ALK: variants seen among roughly 807,000 people sequenced by gnomAD.
ALK encodes ALK receptor tyrosine kinase.
ALK carries 74 observed loss-of-function variants against 163.1 expected under a neutral mutation model. The observed-to-expected ratio is 0.45, with a 90% CI of 0.38 to 0.55. ALK has a LOEUF of 0.55. Ranked by LOEUF, ALK falls within the 20% of genes least tolerant of loss-of-function variation. The probability of loss-of-function intolerance (pLI) is 0.00; values close to 1 mark genes in which losing one functional copy is unlikely to be tolerated. For synonymous variants in ALK, 960 were observed against 843.2 expected, an observed-to-expected ratio of 1.14 and a Z score of -2.40; for missense variants, 2,063 against 2,105.3, an observed-to-expected ratio of 0.98 and a Z score of 0.39.
At chr2:29,833,166 G>A (rs1187189626) in intron 1 of ALK, among the ~76,000 whole-genome samples, 1 of 152,186 alleles carries the variant, frequency 6.6e-6, no homozygotes, top group African/African-American at 2.4e-5. Flanking sequence ...TGAGCATCAG[G>A]CCCTTCTTCT....
In ALK at chr2:29,197,615, T is replaced by C. The variant is rs1307066116; in HGVS notation, c.4000A>G (p.Ser1334Gly). 1.2e-6 allele frequency: 2 copies of C among 1,613,976 alleles called. No individual in the cohort carries two copies. The highest frequency in any genetic ancestry group is 1.7e-6 in the Non-Finnish European group (2 of 1,180,044). Residue 1334 changes from serine (S) to glycine (G), a missense_variant, in exon 27 of 29, where the codon AGC becomes GGC. Ser to Gly is a moderately conservative substitution (Grantham distance 56, BLOSUM62 0). Transcript: ENST00000389048. Reference sequence around the variant, plus strand: ...ACAAACTCCAGAACTTCCTGGTTGCTTTTGCTGGGGTATGGCATATATCCA... The same window carrying C: ...ACAAACTCCAGAACTTCCTGGTTGCCTTTGCTGGGGTATGGCATATATCCA... Reference protein sequence around the residue: ...SLGYMPYPSKSNQEVLEFVTS... With the variant: ...SLGYMPYPSKGNQEVLEFVTS...
At chr2:29,896,065 G>A (rs544181004) in intron 1 of ALK, among the ~76,000 whole-genome samples, 1 of 152,322 alleles carries the variant, frequency 6.6e-6, no homozygotes, top group African/African-American at 2.4e-5. Flanking sequence ...AGGTATGGTA[G>A]TGTGGGTGCA....
intron 3 of ALK, among the ~76,000 whole-genome samples, chr2:29,676,510 T>C (rs913528635): frequency 6.6e-6 from 1 of 152,088 alleles, no homozygotes; most frequent in African/African-American, 2.4e-5. Flanking sequence ...TTCTGTTCCA[T>C]TGGTATATAA....
chr2:29,517,212 A>G (rs72794492), intron 4 of ALK, among the ~76,000 whole-genome samples: 18,059 of 152,184 alleles, frequency 0.12, 1,383 homozygotes, highest in Non-Finnish European at 0.18. Flanking sequence ...TAGGGGCAGC[A>G]CAGAGAGAAG....
At chr2:29,756,529 A>ATTTT (rs35599126) in intron 1 of ALK, among the ~76,000 whole-genome samples, 25 of 138,772 alleles carry the variant, frequency 1.8e-4, no homozygotes, top group African/African-American at 6.8e-4. Context: ...TTACTCATTG[A>ATTTT]TTTTTTTTTT....
chr2:29,897,574 T>C (rs115415926), intron 1 of ALK, among the ~76,000 whole-genome samples: 3,204 of 152,216 alleles, frequency 0.021, 53 homozygotes, highest in Middle Eastern at 0.037. Context: ...CCCTGATGGC[T>C]CCTCCCTCCA....
chr2:29,698,678 G>A (rs1678644075), intron 2 of ALK, among the ~76,000 whole-genome samples: 1 of 152,196 alleles, frequency 6.6e-6, no homozygotes, highest in Admixed American at 6.5e-5. Context: ...TTAATTCTTG[G>A]ATCTTTGAAC....
intron 2 of ALK, among the ~76,000 whole-genome samples, chr2:29,711,575 C>T (rs1056200917): frequency 2.0e-5 from 3 of 152,078 alleles, no homozygotes; most frequent in Non-Finnish European, 4.4e-5. Context: ...ATCCCTTCTC[C>T]CATTCTCTGT....
intron 4 of ALK, among the ~76,000 whole-genome samples, chr2:29,413,824 C>T (rs1286116529): frequency 6.6e-6 from 1 of 152,188 alleles, no homozygotes; most frequent in East Asian, 1.9e-4. Context: ...TGAGGCACCT[C>T]ACCCAGCCTA....
intron 18 of ALK, 62 bp from the exon 19 acceptor site, chr2:29,225,627 A>C: frequency 1.4e-6 from 2 of 1,417,482 alleles, no homozygotes; most frequent in Non-Finnish European, 2.0e-6. Flanking sequence ...AGTTGGTCCC[A>C]AGTCAGAAAT....
intron 1 of ALK, among the ~76,000 whole-genome samples, chr2:29,919,788 GAGGA>G (rs1667936245): frequency 6.6e-6 from 1 of 152,192 alleles, no homozygotes; most frequent in Non-Finnish European, 1.5e-5. Context: ...GGTTGCTAAA[GAGGA>G]AGGAAGACCC....
chr2:29,817,704 T>A (rs1445982991), intron 1 of ALK, among the ~76,000 whole-genome samples: 1 of 152,138 alleles, frequency 6.6e-6, no homozygotes, highest in African/African-American at 2.4e-5. Context: ...CCTCCCTTTA[T>A]ACATACCACT....
chr2:29,689,933 G>A (rs377342773), intron 3 of ALK, among the ~76,000 whole-genome samples: 1 of 152,184 alleles, frequency 6.6e-6, no homozygotes, highest in Non-Finnish European at 1.5e-5. Flanking sequence ...AAGCTGGAGT[G>A]GGGCATGGAA....
chr2:29,590,290 C>T (rs1675010661), intron 3 of ALK, among the ~76,000 whole-genome samples: 1 of 152,204 alleles, frequency 6.6e-6, no homozygotes, highest in Admixed American at 6.5e-5. Context: ...ATTTGTATTG[C>T]ATTAATTACT....
At chr2:29,521,140 T>C (rs1475422439) in intron 4 of ALK, among the ~76,000 whole-genome samples, 1 of 152,262 alleles carries the variant, frequency 6.6e-6, no homozygotes, top group African/African-American at 2.4e-5. Context: ...CACAGGTCTT[T>C]CCTTAGACTC....
chr2:29,593,934 G>A (rs6547957), intron 3 of ALK, among the ~76,000 whole-genome samples: 108,974 of 152,084 alleles, frequency 0.72, 39,175 homozygotes, highest in African/African-American at 0.77. Context: ...ATTAAAATAT[G>A]CGAACTTACA....
chr2:29,579,562 G>A (rs571209822), intron 3 of ALK, among the ~76,000 whole-genome samples: 2 of 152,180 alleles, frequency 1.3e-5, no homozygotes, highest in African/African-American at 4.8e-5. Context: ...TGTCCTCAGC[G>A]ATGTCCTCTA....
At chr2:29,737,956 CAA>C (rs1246115739) in intron 1 of ALK, among the ~76,000 whole-genome samples, 2 of 152,056 alleles carry the variant, frequency 1.3e-5, no homozygotes, top group Middle Eastern at 3.4e-3. Context: ...ACAACAGGCA[CAA>C]GAGAGAGCAA....
At chr2:29,218,471 T>A (rs777503909) in intron 23 of ALK, among the ~76,000 whole-genome samples, 2 of 152,210 alleles carry the variant, frequency 1.3e-5, no homozygotes, top group Non-Finnish European at 2.9e-5. Context: ...ATGATCTGCC[T>A]TTCCTTGCTG....
Sources: allele counts gnomAD v4.1 joint callset (sites outside exome capture counted in the v4.1 genomes callset), GRCh38; gene constraint gnomAD v4.1.1; transcripts MANE v1.5; gene names NCBI Gene and HGNC (gene_info 2026-07-23, HGNC 2026-07-21).